The following FRMPD4 variants were observed in gnomAD, a reference collection of about 807,000 sequenced individuals.
The protein encoded by FRMPD4 is FERM and PDZ domain containing 4.
A neutral mutation model predicts 94.1 loss-of-function variants in FRMPD4; 22 were observed. The observed-to-expected ratio is 0.23, with a 90% CI of 0.17 to 0.33. The LOEUF (loss-of-function observed/expected upper bound fraction) is 0.33, where lower values mean the gene tolerates loss of function less well. Ranked by LOEUF, FRMPD4 falls within the 10% of genes least tolerant of loss-of-function variation. The pLI is 1.00. For missense variants in FRMPD4, 1,111 were observed against 1,339.9 expected, an observed-to-expected ratio of 0.83 and a Z score of 2.67; for synonymous variants, 631 against 548.6, an observed-to-expected ratio of 1.15 and a Z score of -2.10.
intron 1 of FRMPD4, among the ~76,000 whole-genome samples, chrX:12,433,757 AC>A (rs2057033877): frequency 8.9e-6 from 1 of 112,265 alleles, no homozygotes; most frequent in Non-Finnish European, 1.9e-5. Context: ...CAACCAGCTG[AC>A]AATACATTTT....
At chrX:11,979,642 CAT>C (rs1433562031) in intron 3 of FRMPD4, among the ~76,000 whole-genome samples, 1 of 110,818 alleles carries the variant, frequency 9.0e-6, no homozygotes, top group Non-Finnish European at 1.9e-5. Context: ...AGCATCTTTT[CAT>C]ATGTTTATTG....
At chrX:12,514,021 C>G (rs145986302) in intron 2 of FRMPD4, among the ~76,000 whole-genome samples, 6,597 of 110,827 alleles carry the variant, frequency 0.06, 166 homozygotes, top group East Asian at 0.13. Flanking sequence ...CTCTGCTTGT[C>G]TGTTATTGGT....
At chrX:11,834,009 GAAATAATCTTTGTTATGTT>G (rs1321865061) in intron 1 of FRMPD4, among the ~76,000 whole-genome samples, 1 of 111,668 alleles carries the variant, frequency 9.0e-6, no homozygotes, top group Non-Finnish European at 1.9e-5. Context: ...TCTTGAGTAA[GAAATAATCTTTGTTATGTT>G]AAGCCACTGA....
intron 1 of FRMPD4, among the ~76,000 whole-genome samples, chrX:12,306,875 C>T (rs1326357628): frequency 8.9e-6 from 1 of 112,270 alleles, no homozygotes; most frequent in Non-Finnish European, 1.9e-5. Context: ...CTCAAGACTT[C>T]CTGGAGGATC....
At chrX:11,849,280 C>A (rs1247919493) in intron 1 of FRMPD4, among the ~76,000 whole-genome samples, 2 of 111,121 alleles carry the variant, frequency 1.8e-5, no homozygotes, top group African/African-American at 6.5e-5. Flanking sequence ...CAAAACATTG[C>A]TGAAAGAAAT....
At chrX:12,471,806 A>G (rs2057516554) in intron 1 of FRMPD4, among the ~76,000 whole-genome samples, 1 of 112,122 alleles carries the variant, frequency 8.9e-6, no homozygotes, top group African/African-American at 3.2e-5. Context: ...ACTCTTGACA[A>G]GTGTCTCACA....
intron 1 of FRMPD4, among the ~76,000 whole-genome samples, chrX:12,437,238 T>C (rs369395417): frequency 8.1e-5 from 9 of 111,112 alleles, no homozygotes; most frequent in African/African-American, 2.9e-4. Flanking sequence ...CAAGACACTT[T>C]AGCTTCCCTA....
At chrX:12,666,101 CA>C (rs59803800) in intron 4 of FRMPD4, among the ~76,000 whole-genome samples, 29,822 of 88,793 alleles carry the variant, frequency 0.34, 4,010 homozygotes, top group Non-Finnish European at 0.45. Context: ...AAATGGAAAG[CA>C]AAAAAAAAAA....
chrX:12,026,914 C>T lies in FRMPD4; in HGVS notation c.95+148896C>T, dbSNP rs2054664457. The stretch of plus-strand genomic sequence containing the variant: ...AGGATTTCTCTTTAACTGATCACGT[C>T]ATGTTTTTAGAATCATGAAATCTCT... On this transcript the variant is annotated intron_variant, in intron 3 of 18. Transcript: ENST00000640291. Among the ~76,000 whole-genome samples, 3 of 112,263 alleles carry T rather than the reference C, an allele frequency of 2.7e-5. No homozygotes were observed. In the South Asian group the frequency reaches 1.1e-3, roughly 42 times the overall value.
At chrX:11,843,655 T>C (rs908317311) in intron 1 of FRMPD4, among the ~76,000 whole-genome samples, 1 of 111,120 alleles carries the variant, frequency 9.0e-6, no homozygotes, top group Non-Finnish European at 1.9e-5. Flanking sequence ...CCTCCTGGGT[T>C]CCAGTGATCC....
chrX:12,490,277 A>C (rs1161444781), intron 1 of FRMPD4, among the ~76,000 whole-genome samples: 1 of 110,711 alleles, frequency 9.0e-6, no homozygotes, highest in Non-Finnish European at 1.9e-5. Context: ...TGGAGCCCTC[A>C]TGACTTAAAC....
Position 12,554,511 on chromosome X carries a change from A to G in FRMPD4, c.159-55210A>G, listed in dbSNP as rs964445633. On this transcript the variant is annotated intron_variant, in intron 2 of 16. Coordinates refer to ENST00000675598, the MANE Select transcript of FRMPD4 (RefSeq NM_001368397.1). ...TAAAATACCACCTAGATTAAAATAG[A>G]AAATACAGTACATTGTGTATAAGTA... Among the ~76,000 whole-genome samples the G allele has an allele frequency of 9.8e-5, 11 of 112,722 alleles. 1 individual carries two copies. The highest frequency in any genetic ancestry group is 1.9e-4 in the Admixed American group (2 of 10,655).
chrX:11,967,775 TTTTA>T (rs2054319240), intron 3 of FRMPD4, among the ~76,000 whole-genome samples: 1 of 104,727 alleles, frequency 9.5e-6, no homozygotes, highest in African/African-American at 3.5e-5. Context: ...TTTTTTTTTT[TTTTA>T]AGGAAGCTGA....
At chrX:11,862,967 T>TTC (rs1178214255) in intron 1 of FRMPD4, among the ~76,000 whole-genome samples, 1 of 92,379 alleles carries the variant, frequency 1.1e-5, no homozygotes, top group Non-Finnish European at 2.1e-5. Flanking sequence ...TTGGTTTTTT[T>TTC]TTTTTTTTTT....
chrX:12,540,283 A>T (rs1424592943), intron 2 of FRMPD4, among the ~76,000 whole-genome samples: 1 of 112,004 alleles, frequency 8.9e-6, no homozygotes, highest in African/African-American at 3.2e-5. Flanking sequence ...CAATTAAAAG[A>T]CACAGACTGG....
intron 3 of FRMPD4, among the ~76,000 whole-genome samples, chrX:12,089,220 G>C (rs1320951429): frequency 1.8e-5 from 2 of 112,094 alleles, no homozygotes; most frequent in African/African-American, 6.5e-5. Context: ...CATTTAGGTG[G>C]TTTCCAGATT....
At chrX:12,531,790 C>T (rs995723891) in intron 2 of FRMPD4, among the ~76,000 whole-genome samples, 4 of 111,268 alleles carry the variant, frequency 3.6e-5, no homozygotes, top group African/African-American at 1.3e-4. Flanking sequence ...CCATTTGCTC[C>T]AACTTAATAA....
At chrX:12,181,175 T>G (rs2147668934) in intron 1 of FRMPD4, among the ~76,000 whole-genome samples, 1 of 111,851 alleles carries the variant, frequency 8.9e-6, no homozygotes, top group South Asian at 3.8e-4. Flanking sequence ...GGGGTCTAAC[T>G]TAACAGTGGA....
At chrX:12,498,494 A>G in intron 1 of FRMPD4, 186 bp from the exon 2 acceptor site, 1 of 478,550 alleles carries the variant, frequency 2.1e-6, no homozygotes, top group Non-Finnish European at 3.7e-6. Flanking sequence ...CTACCCTTTC[A>G]TTTTGCTGCT....
Sources: allele counts gnomAD v4.1 joint callset (sites outside exome capture counted in the v4.1 genomes callset), GRCh38; gene constraint gnomAD v4.1.1; transcripts MANE v1.5; gene names NCBI Gene and HGNC (gene_info 2026-07-23, HGNC 2026-07-21).